ZNF536: variants seen among roughly 807,000 people sequenced by gnomAD.
ZNF536 encodes zinc finger protein 536.
Under a neutral mutation model 84.5 loss-of-function variants are expected in ZNF536, and 13 were observed. The observed-to-expected ratio is 0.15, with a 90% CI of 0.10 to 0.24. The LOEUF is 0.24. ZNF536 is among the 10% of genes least tolerant of loss of function. ZNF536 has a pLI of 1.00. For synonymous variants in ZNF536, 811 were observed against 742.5 expected (o/e 1.09, Z -1.50); for missense variants, 1,536 against 1,747.5 (o/e 0.88, Z 2.16).
chr19:30,485,914 C>G (rs1477181719), intron 2 of ZNF536, among the ~76,000 whole-genome samples: 1 of 152,018 alleles, frequency 6.6e-6, no homozygotes, highest in African/African-American at 2.4e-5. Flanking sequence ...TTTATCATAT[C>G]TCCAACCTGG....
At chr19:30,307,346 C>T (rs557064926) in intron 2 of ZNF536, among the ~76,000 whole-genome samples, 19 of 146,338 alleles carry the variant, frequency 1.3e-4, no homozygotes, top group Admixed American at 9.6e-4. Context: ...TCAGGGGGAA[C>T]GGTGATTAGG....
At chr19:30,704,480 C>G (rs750797821) in intron 1 of ZNF536, among the ~76,000 whole-genome samples, 20 of 151,844 alleles carry the variant, frequency 1.3e-4, no homozygotes, top group Non-Finnish European at 2.5e-4. Flanking sequence ...AACCCCACCT[C>G]TATTAAAAAT....
chr19:30,664,403 G>T (rs1437720018), intron 1 of ZNF536, among the ~76,000 whole-genome samples: 4 of 152,088 alleles, frequency 2.6e-5, no homozygotes, highest in Non-Finnish European at 5.9e-5. Context: ...TGCAGTCCTG[G>T]CATTTGAATC....
At chr19:30,275,758 T>A (rs10412697) in intron 1 of ZNF536, among the ~76,000 whole-genome samples, 49,503 of 151,938 alleles carry the variant, frequency 0.33, 10,059 homozygotes, top group East Asian at 0.62. Context: ...TGGGTGGCAC[T>A]TGGTAAATGC....
At chr19:30,401,170 T>C (rs2050030203) in intron 1 of ZNF536, among the ~76,000 whole-genome samples, 1 of 152,186 alleles carries the variant, frequency 6.6e-6, no homozygotes, top group Non-Finnish European at 1.5e-5. Context: ...CAAAAATCAA[T>C]TGGCCTTACC....
intron 2 of ZNF536, among the ~76,000 whole-genome samples, chr19:30,343,900 C>T (rs1161008696): frequency 2.6e-5 from 4 of 152,262 alleles, no homozygotes; most frequent in African/African-American, 9.6e-5. Context: ...ACTCTGAGTG[C>T]ATCCTGAAAG....
At chr19:30,441,370 G>T (rs762809741) in intron 1 of ZNF536, among the ~76,000 whole-genome samples, 2 of 152,256 alleles carry the variant, frequency 1.3e-5, no homozygotes, top group African/African-American at 2.4e-5. Context: ...GGGCTTGAAG[G>T]TGGAGAGAGG....
At chr19:30,520,093 G>A (rs2044256840) in intron 2 of ZNF536, among the ~76,000 whole-genome samples, 1 of 152,208 alleles carries the variant, frequency 6.6e-6, no homozygotes, top group Admixed American at 6.5e-5. Flanking sequence ...TCAGGAAGAG[G>A]GAACAGTATG....
chr19:30,439,993 C>T (rs1238502945), intron 1 of ZNF536, among the ~76,000 whole-genome samples: 1 of 133,444 alleles, frequency 7.5e-6, no homozygotes, highest in Non-Finnish European at 1.5e-5. Context: ...CAGAGTCTCG[C>T]TCTGTTGCCC....
chr19:30,417,162 T>A (rs1600649012), intron 1 of ZNF536, among the ~76,000 whole-genome samples: 2 of 147,858 alleles, frequency 1.4e-5, no homozygotes, highest in East Asian at 4.0e-4. Context: ...TTTTTTTTTT[T>A]TTTTTTTTTT....
intron 2 of ZNF536, among the ~76,000 whole-genome samples, chr19:30,308,868 G>A (rs949542696): frequency 2.0e-5 from 3 of 152,170 alleles, no homozygotes; most frequent in Admixed American, 6.5e-5. Flanking sequence ...TAGATCTTTG[G>A]TGATGAGGCC....
intron 1 of ZNF536, among the ~76,000 whole-genome samples, chr19:30,708,008 CAAAAA>C (rs60270540): frequency 2.9e-5 from 3 of 102,964 alleles, no homozygotes; most frequent in Non-Finnish European, 5.8e-5. Flanking sequence ...GAGACTCCAT[CAAAAA>C]AAAAAAAAAA....
At chr19:30,671,063 G>A (rs376175975) in intron 1 of ZNF536, among the ~76,000 whole-genome samples, 3 of 152,108 alleles carry the variant, frequency 2.0e-5, no homozygotes, top group African/African-American at 4.8e-5. Context: ...CTCAATGCAC[G>A]CACGTGCTTC....
At chr19:30,587,491 C>T (rs758675403) in intron 1 of ZNF536, among the ~76,000 whole-genome samples, 4 of 152,290 alleles carry the variant, frequency 2.6e-5, no homozygotes, top group Non-Finnish European at 4.4e-5. Context: ...GCTCATCCCC[C>T]GGGGGTGCCT....
intron 2 of ZNF536, among the ~76,000 whole-genome samples, chr19:30,490,603 G>A (rs1026514544): frequency 2.0e-5 from 3 of 151,998 alleles, no homozygotes; most frequent in Admixed American, 6.6e-5. Flanking sequence ...CCAGCAGTGG[G>A]CATTTTCTTC....
intron 1 of ZNF536, among the ~76,000 whole-genome samples, chr19:30,612,880 C>T (rs1348941775): frequency 2.0e-5 from 3 of 152,168 alleles, no homozygotes; most frequent in Non-Finnish European, 4.4e-5. Flanking sequence ...TTTCTCTGGG[C>T]CAGGGTCCAA....
chr19:30,580,683 T>C (rs2046890260), intron 1 of ZNF536, among the ~76,000 whole-genome samples: 1 of 152,210 alleles, frequency 6.6e-6, no homozygotes, highest in Non-Finnish European at 1.5e-5. Flanking sequence ...CAGGCTCCTA[T>C]GATCCTGTGT....
At chr19:30,658,008 G>T (rs1341855636) in intron 1 of ZNF536, among the ~76,000 whole-genome samples, 1 of 117,640 alleles carries the variant, frequency 8.5e-6, no homozygotes, top group African/African-American at 3.8e-5. Flanking sequence ...ACCCTTCAAT[G>T]GCTTTCCATT....
At chr19:30,607,243 G>GT (rs1568598117) in intron 1 of ZNF536, among the ~76,000 whole-genome samples, 1 of 152,020 alleles carries the variant, frequency 6.6e-6, no homozygotes, top group Non-Finnish European at 1.5e-5. Context: ...GCTTTCAAAT[G>GT]TTTTTTTAAA....
Sources: gnomAD v4.1 joint callset for allele counts (sites outside exome capture counted in the v4.1 genomes callset) on GRCh38, gnomAD v4.1.1 for gene constraint, MANE v1.5 for transcripts, NCBI Gene and HGNC (gene_info 2026-07-23, HGNC 2026-07-21) for gene names.